Variants in PRSS55 observed in about 807,000 individuals in gnomAD.
The protein encoded by PRSS55 is probable serine protease UNQ9391/PRO34284.
A neutral mutation model predicts 23.6 loss-of-function variants in PRSS55; 41 were observed. The observed-to-expected ratio is 1.74, with a 90% CI of 1.35 to 2.26. The LOEUF (loss-of-function observed/expected upper bound fraction) is 2.26, where lower values mean the gene tolerates loss of function less well. PRSS55 is among the 30% of genes most tolerant of loss of function. The pLI is 0.00. For synonymous variants in PRSS55, 262 were observed against 175.5 expected, an observed-to-expected ratio of 1.49 and a Z score of -3.90; for missense variants, 669 against 439.1, an observed-to-expected ratio of 1.52 and a Z score of -4.68.
chr8:10,551,254 C>T (rs1278861769), intron 4 of PRSS55, among the ~76,000 whole-genome samples: 1 of 152,220 alleles, frequency 6.6e-6, no homozygotes, highest in Non-Finnish European at 1.5e-5. Flanking sequence ...TCCTTATTTG[C>T]CTTCTTTTCT....
intron 1 of PRSS55, among the ~76,000 whole-genome samples, chr8:10,526,141 G>A (rs117463575): frequency 0.057 from 8,659 of 152,150 alleles, 348 homozygotes; most frequent in Non-Finnish European, 0.089. Flanking sequence ...CCTTGTGCCC[G>A]GCCCCCCAGA....
At chr8:10,528,664 C>G (rs554403633) in intron 1 of PRSS55, among the ~76,000 whole-genome samples, 1 of 152,178 alleles carries the variant, frequency 6.6e-6, no homozygotes, top group Non-Finnish European at 1.5e-5. Flanking sequence ...CTATGCCCCA[C>G]CCCTTGTGGT....
chr8:10,537,264 G>C (rs866108044), intron 4 of PRSS55, among the ~76,000 whole-genome samples: 1 of 152,260 alleles, frequency 6.6e-6, no homozygotes. Flanking sequence ...AAGAAAATTA[G>C]GCAGTATACA....
downstream of PRSS55, among the ~76,000 whole-genome samples, chr8:10,543,347 T>G (rs1159690049): frequency 2.6e-5 from 4 of 152,160 alleles, no homozygotes; most frequent in Non-Finnish European, 4.4e-5. Flanking sequence ...CACATCCTGG[T>G]GACATTTTTA....
chr8:10,546,363 C>T (rs556454584), intron 4 of PRSS55, among the ~76,000 whole-genome samples: 3 of 152,296 alleles, frequency 2.0e-5, no homozygotes, highest in African/African-American at 7.2e-5. Flanking sequence ...CCACAGACCC[C>T]TATAACCCTC....
At chr8:10,530,871 T>G (rs1812227723) in intron 2 of PRSS55, among the ~76,000 whole-genome samples, 1 of 152,138 alleles carries the variant, frequency 6.6e-6, no homozygotes, top group African/African-American at 2.4e-5. Flanking sequence ...TAGACTAACT[T>G]CTGGTCCTGA....
At chr8:10,541,930 C>G (rs1487175391), downstream of PRSS55, among the ~76,000 whole-genome samples, 1 of 152,114 alleles carries the variant, frequency 6.6e-6, no homozygotes, top group Non-Finnish European at 1.5e-5. Context: ...CACATCACCA[C>G]ACCTGGCTCA....
chr8:10,543,439 C>A (rs140567086), downstream of PRSS55, among the ~76,000 whole-genome samples: 1 of 106,172 alleles, frequency 9.4e-6, no homozygotes, highest in Non-Finnish European at 1.9e-5. Flanking sequence ...TTCCTTCCTT[C>A]CTTCCATCCT....
intron 4 of PRSS55, among the ~76,000 whole-genome samples, chr8:10,537,759 AAAG>A (rs1427530344): frequency 6.6e-6 from 1 of 152,228 alleles, no homozygotes; most frequent in Non-Finnish European, 1.5e-5. Flanking sequence ...AAATTAATAA[AAAG>A]AAAATCCTGG....
chr8:10,538,795 A>C lies in PRSS55; in HGVS notation c.*2A>C. Reference sequence around the variant, plus strand: ...TTGTTCAGAGCTATTTTGTACTGATAATAAAATAGAGGCTATTCTTTCAAC... The same window carrying C: ...TTGTTCAGAGCTATTTTGTACTGATCATAAAATAGAGGCTATTCTTTCAAC... On this transcript the variant is annotated 3_prime_UTR_variant, in exon 5 of 5. Coordinates refer to ENST00000328655, the MANE Select transcript of PRSS55 (RefSeq NM_198464.4). 1 of 1,545,752 alleles carries C rather than the reference A, an allele frequency of 6.5e-7. No homozygotes were observed. Among genetic ancestry groups the C allele is most frequent in the Non-Finnish European group, 8.7e-7 (1 of 1,149,204 alleles).
intron 1 of PRSS55, among the ~76,000 whole-genome samples, chr8:10,526,396 G>A (rs937977616): frequency 1.5e-4 from 23 of 152,156 alleles, no homozygotes; most frequent in East Asian, 3.9e-4. Context: ...TGACCGCAGC[G>A]CCAGGCTGCA....
rs35143057 is a variant in PRSS55, at chr8:10,528,200, C to CAA, written c.155-1289_155-1288dup. Among the ~76,000 whole-genome samples the CAA allele has an allele frequency of 2.3e-3, 205 of 89,544 alleles. 2 individuals carry two copies. The highest frequency in any genetic ancestry group is 6.9e-3 in the Admixed American group (63 of 9,102). 58.7% of individuals were successfully genotyped at this position (89,544 alleles called of 152,430 possible). A position where few individuals can be genotyped will look rare whatever the true frequency, so the allele number is the denominator to read the frequency against. On this transcript the variant is annotated intron_variant, in intron 1 of 4. Transcript: ENST00000328655. ...GGCGATAGAGCAAGACTTCGTCTCT[C>CAA]AAAAAAAAAAAAAAAAAAAGTCCCG...
chr8:10,543,804 G>C (rs574302445), downstream of PRSS55, among the ~76,000 whole-genome samples: 1 of 152,044 alleles, frequency 6.6e-6, no homozygotes, highest in East Asian at 1.9e-4. Context: ...GATTATTTAA[G>C]AGTGTGCTGT....
rs754849593 is a variant in PRSS55 at position 10,531,454 on chromosome 8, T to C, written c.507T>C (p.Asp169=). ...TGCTGGCTTCGCCCATCAAGCTCGATGACCTGAAGGTGCCCATCTGCCTCC... is the reference window on the plus strand; with the variant it reads ...TGCTGGCTTCGCCCATCAAGCTCGACGACCTGAAGGTGCCCATCTGCCTCC... ...LLLLASPIKL[D]DLKVPICLPT... The change falls in exon 3 of 5, where the codon GAT becomes GAC. Residue 169 remains aspartate (D), a synonymous_variant. Transcript: ENST00000328655. 5.0e-5 allele frequency: 80 copies of C among 1,614,092 alleles called. No individual in the cohort carries two copies. Among genetic ancestry groups the C allele is most frequent in the Non-Finnish European group, 7.6e-6 (9 of 1,180,062 alleles).
rs1031054080 is a variant in PRSS55 at position 10,525,541 on chromosome 8, G to A, written c.-45G>A. ...GGAGGCTCTCAGCCTCACTGCCTCA[G>A]CCCTGGCCTCTGTCACCCCCGGGCC... On this transcript the variant is annotated 5_prime_UTR_variant, in exon 1 of 5. Transcript: ENST00000328655. 6.4e-5 allele frequency: 102 copies of A among 1,594,458 alleles called. No individual in the cohort carries two copies. Among genetic ancestry groups the A allele is most frequent in the Non-Finnish European group, 8.7e-5 (101 of 1,167,184 alleles).
chr8:10,530,794 A>T (rs1031970610), intron 2 of PRSS55, among the ~76,000 whole-genome samples: 7 of 152,190 alleles, frequency 4.6e-5, no homozygotes, highest in African/African-American at 1.7e-4. Context: ...GGGATATCAA[A>T]TATCCTCTGG....
intron 4 of PRSS55, among the ~76,000 whole-genome samples, chr8:10,552,618 C>A (rs1812974688): frequency 6.6e-6 from 1 of 152,078 alleles, no homozygotes; most frequent in Admixed American, 6.5e-5. Flanking sequence ...GGCAAAGGAC[C>A]CGAATAGACA....
chr8:10,534,353 C>T (rs1812382016), intron 4 of PRSS55, among the ~76,000 whole-genome samples: 1 of 152,148 alleles, frequency 6.6e-6, no homozygotes, highest in South Asian at 2.1e-4. Context: ...CACATCTTGA[C>T]CAGAAAACAT....
At chr8:10,547,404 T>C (rs1294499738) in intron 4 of PRSS55, 1 of 152,380 alleles carries the variant, frequency 6.6e-6, no homozygotes, top group Non-Finnish European at 1.5e-5. Flanking sequence ...GAGCTGCTTC[T>C]AGACTTATCC....
Sources: gnomAD v4.1 joint callset for allele counts (sites outside exome capture counted in the v4.1 genomes callset) on GRCh38, gnomAD v4.1.1 for gene constraint, MANE v1.5 for transcripts, NCBI Gene and HGNC (gene_info 2026-07-23, HGNC 2026-07-21) for gene names.